CDH8: variants seen among roughly 807,000 people sequenced by gnomAD.
The protein encoded by CDH8 is cadherin 8.
CDH8 carries 17 observed loss-of-function variants against 68.1 expected under a neutral mutation model. The ratio of observed to expected loss-of-function variants is 0.25; its 90% CI spans 0.17 to 0.37. CDH8 has a LOEUF of 0.37. Among genes scored for constraint, CDH8 ranks in the 10% least tolerant of loss-of-function variants. The pLI, the probability that CDH8 is intolerant of heterozygous loss-of-function variation, is 1.00. For missense variants in CDH8, 763 were observed against 999.3 expected, an observed-to-expected ratio of 0.76 and a Z score of 3.19; for synonymous variants, 372 against 365.1, an observed-to-expected ratio of 1.02 and a Z score of -0.21.
At chr16:61,658,220 G>A (rs2142746871) in intron 10 of CDH8, among the ~76,000 whole-genome samples, 1 of 151,946 alleles carries the variant, frequency 6.6e-6, no homozygotes, top group East Asian at 1.9e-4. Context: ...GTTTCACAAA[G>A]CTCTAATTAC....
At chr16:61,864,268 T>A (rs1282692735) in intron 3 of CDH8, among the ~76,000 whole-genome samples, 1 of 148,836 alleles carries the variant, frequency 6.7e-6, no homozygotes, top group East Asian at 2.0e-4. Context: ...GTGTGTTGGT[T>A]GGTTGGTTGG....
At chr16:61,895,300 A>G (rs1963851736) in intron 3 of CDH8, among the ~76,000 whole-genome samples, 1 of 152,184 alleles carries the variant, frequency 6.6e-6, no homozygotes, top group Non-Finnish European at 1.5e-5. Context: ...ATACTGGTTA[A>G]GCCCATGGGA....
At chr16:61,873,188 T>C (rs970240006) in intron 3 of CDH8, among the ~76,000 whole-genome samples, 3 of 152,206 alleles carry the variant, frequency 2.0e-5, no homozygotes, top group African/African-American at 7.2e-5. Context: ...GCTAATATTA[T>C]ACGAATAATA....
intron 2 of CDH8, among the ~76,000 whole-genome samples, chr16:61,993,360 G>A (rs563018649): frequency 4.6e-5 from 7 of 151,826 alleles, no homozygotes; most frequent in Admixed American, 1.3e-4. Context: ...CACTCTTGTT[G>A]CCAGGCTGGA....
chr16:61,725,641 T>A (rs1281698905), intron 9 of CDH8: 1 of 150,798 alleles, frequency 6.6e-6, no homozygotes, highest in Non-Finnish European at 1.5e-5. Context: ...AGGTAAATGA[T>A]ATGTATTGAT....
intron 3 of CDH8, among the ~76,000 whole-genome samples, chr16:61,898,333 G>GA (rs200132187): frequency 2.7e-5 from 4 of 150,242 alleles, no homozygotes; most frequent in South Asian, 2.1e-4. Context: ...TGATAAGAAG[G>GA]AAAAAAAAAT....
rs1034179462 is a variant in CDH8, at chr16:61,727,153, C to T, written c.1477G>A (p.Ala493Thr). The change falls in exon 9 of 12, where the codon GCC becomes ACC. Residue 493 changes from alanine (A) to threonine (T), a missense_variant. By Grantham distance (58) the Ala-to-Thr change is moderately conservative. Coordinates refer to ENST00000577390, the MANE Select transcript of CDH8 (RefSeq NM_001796.5). ...AIKVLDVNDN[A>T]PEFASEYEAF... ...TCATATTCGGATGCGAATTCAGGGG[C>T]GTTGTCATTGACATCCAGCACTTTA... is the stretch of plus-strand genomic sequence containing the variant. The T allele has an allele frequency of 4.3e-6, 7 of 1,610,290 alleles. No homozygotes were observed. Among genetic ancestry groups the T allele is most frequent in the Middle Eastern group, 1.7e-4 (1 of 6,040 alleles).
intron 8 of CDH8, among the ~76,000 whole-genome samples, chr16:61,739,884 C>CATATATAT (rs35095367): frequency 0.038 from 3,866 of 101,048 alleles, 91 homozygotes; most frequent in Middle Eastern, 0.057. Flanking sequence ...CAACATATTC[C>CATATATAT]ATATATATAT....
intron 2 of CDH8, among the ~76,000 whole-genome samples, chr16:61,975,641 C>A (rs1965422142): frequency 6.6e-6 from 1 of 152,134 alleles, no homozygotes; most frequent in African/African-American, 2.4e-5. Flanking sequence ...AAAACATTTT[C>A]ATTGTAGTAA....
rs534253315 is a variant in CDH8 at position 61,817,626 on chromosome 16, G to A, written c.1130C>T (p.Thr377Ile). The change falls in exon 7 of 12, where the codon ACA (threonine) becomes ATA (isoleucine). Residue 377 changes from threonine (T) to isoleucine (I), a missense_variant. Thr to Ile is a moderately conservative substitution (Grantham distance 89, BLOSUM62 -1). Transcript: ENST00000577390. ...SGRGPFKDTA[T>I]VKIVVEDADE... ...AGCATCTTCAACCACGATTTTGACT[G>A]TCGCCGTGTCTTTAAAGGGCCCCCT... 1.2e-6 allele frequency: 2 copies of A among 1,613,936 alleles called. No individual in the cohort carries two copies. Among genetic ancestry groups the A allele is most frequent in the African/African-American group, 1.3e-5 (1 of 74,990 alleles).
chr16:62,015,788 T>C (rs1003503277), intron 2 of CDH8, among the ~76,000 whole-genome samples: 4 of 152,198 alleles, frequency 2.6e-5, no homozygotes, highest in African/African-American at 9.6e-5. Context: ...CCAGAAAGCT[T>C]CCTTGCCCTC....
intron 7 of CDH8, among the ~76,000 whole-genome samples, chr16:61,803,381 A>G (rs1961707346): frequency 7.5e-6 from 1 of 133,578 alleles, no homozygotes; most frequent in African/African-American, 3.0e-5. Context: ...TGTAAAGACC[A>G]TCGAGACTAG....
intron 3 of CDH8, among the ~76,000 whole-genome samples, chr16:61,888,188 C>A (rs995013689): frequency 6.6e-6 from 1 of 152,110 alleles, no homozygotes; most frequent in Non-Finnish European, 1.5e-5. Flanking sequence ...CCTTCAGGTT[C>A]GCGGAGTCCT....
At chr16:61,823,810 T>C (rs1962269290) in intron 5 of CDH8, among the ~76,000 whole-genome samples, 1 of 151,934 alleles carries the variant, frequency 6.6e-6, no homozygotes, top group Non-Finnish European at 1.5e-5. Flanking sequence ...CACTTTCCCC[T>C]GGCACTCTCT....
intron 2 of CDH8, among the ~76,000 whole-genome samples, chr16:61,992,077 T>TGTGTGTGTGTGAGAGAGA (rs34925928): frequency 6.9e-5 from 10 of 144,124 alleles, no homozygotes; most frequent in African/African-American, 2.3e-4. Flanking sequence ...TGTGTGTGTG[T>TGTGTGTGTGTGAGAGAGA]GAGAGAGAGA....
chr16:61,773,712 T>A (rs928702945), intron 8 of CDH8, among the ~76,000 whole-genome samples: 4 of 152,114 alleles, frequency 2.6e-5, no homozygotes, highest in African/African-American at 9.7e-5. Flanking sequence ...GATATTAGTT[T>A]CTTTTTTCTT....
At chr16:61,946,550 G>C (rs1471006012) in intron 2 of CDH8, among the ~76,000 whole-genome samples, 1 of 152,216 alleles carries the variant, frequency 6.6e-6, no homozygotes, top group African/African-American at 2.4e-5. Flanking sequence ...GTTGATGCTT[G>C]CTCAAGCTTT....
rs552071943 is a variant in CDH8 at position 61,735,249 on chromosome 16, T to A, written c.1415-8034A>T. Among the ~76,000 whole-genome samples, 4 of 152,244 alleles carry A rather than the reference T, an allele frequency of 2.6e-5. No homozygotes were observed. The East Asian group carries it at 7.7e-4, about 29-fold the overall frequency. ...GGTTTCTGGGGTTTCGAACTGGACATATCTTTTTTGAAGGCCACTATTCAG... is the reference window on the plus strand; with the variant it reads ...GGTTTCTGGGGTTTCGAACTGGACAAATCTTTTTTGAAGGCCACTATTCAG... On this transcript the variant is annotated intron_variant, in intron 8 of 11. Transcript: ENST00000577390.
intron 3 of CDH8, among the ~76,000 whole-genome samples, chr16:61,891,193 C>A (rs1486451343): frequency 6.6e-6 from 1 of 151,988 alleles, no homozygotes; most frequent in African/African-American, 2.4e-5. Context: ...CCATACAGGG[C>A]AATAAAATTG....
Sources: allele counts gnomAD v4.1 joint callset (sites outside exome capture counted in the v4.1 genomes callset), GRCh38; gene constraint gnomAD v4.1.1; transcripts MANE v1.5; gene names NCBI Gene and HGNC (gene_info 2026-07-23, HGNC 2026-07-21).